MOB4: variants seen among roughly 807,000 people sequenced by gnomAD.
The protein encoded by MOB4 is MOB family member 4, phocein.
MOB4 carries 4 observed loss-of-function variants against 32.2 expected under a neutral mutation model. That is an observed-to-expected ratio of 0.12 (90% CI 0.06 to 0.28). MOB4 has a LOEUF of 0.28. MOB4 is among the 10% of genes least tolerant of loss of function. MOB4 has a pLI of 1.00. For missense variants in MOB4, 158 were observed against 271.2 expected (o/e 0.58, Z 2.93); for synonymous variants, 88 against 88.1 (o/e 1.00, Z 0.01).
chr2:197,522,314 G>A (rs1403862771), intron 1 of MOB4, among the ~76,000 whole-genome samples: 1 of 148,930 alleles, frequency 6.7e-6, no homozygotes, highest in Non-Finnish European at 1.5e-5. Flanking sequence ...TGTACCCATG[G>A]GTGATTACCT....
intron 1 of MOB4, among the ~76,000 whole-genome samples, chr2:197,523,010 A>ATAATAATAATAATAT (rs1348914138): frequency 1.3e-5 from 2 of 151,668 alleles, no homozygotes; most frequent in Non-Finnish European, 2.9e-5. Flanking sequence ...TGGTCTCAAA[A>ATAATAATAATAATAT]TAATAATAAT....
chr2:197,535,600 A>G lies in MOB4; in HGVS notation c.194A>G (p.Asp65Gly), dbSNP rs1011338076. ...ATTCTTGAACCACCTGAAGGCCAAG[A>G]TGAAGGTGTGTGGAAGTATGAACAT... ...DKILEPPEGQ[D>G]EGVWKYEHLR... is the part of the protein sequence containing the mutation. Residue 65 changes from aspartate (D) to glycine (G), a missense_variant, in exon 3 of 8, where the codon GAT (aspartate) becomes GGT (glycine). By Grantham distance (94) the Asp-to-Gly change is moderately conservative. Coordinates refer to ENST00000323303, the MANE Select transcript of MOB4 (RefSeq NM_015387.5). 6.2e-7 allele frequency: 1 copy of G among 1,613,094 alleles called. No homozygotes were observed. Among genetic ancestry groups the G allele is most frequent in the African/African-American group, 1.3e-5 (1 of 74,876 alleles).
chr2:197,544,260 C>T (rs950034088), intron 5 of MOB4, among the ~76,000 whole-genome samples: 5 of 152,004 alleles, frequency 3.3e-5, no homozygotes, highest in Admixed American at 6.6e-5. Flanking sequence ...TTAGTAGAGA[C>T]GGAGTTTCAC....
At chr2:197,535,276 A>C (rs1363848995) in intron 2 of MOB4, among the ~76,000 whole-genome samples, 1 of 151,950 alleles carries the variant, frequency 6.6e-6, no homozygotes, top group Non-Finnish European at 1.5e-5. Context: ...TCCAAGTTCC[A>C]GTCCTGACAA....
At chr2:197,519,779 C>G (rs1430228803) in intron 1 of MOB4, among the ~76,000 whole-genome samples, 1 of 152,032 alleles carries the variant, frequency 6.6e-6, no homozygotes, top group African/African-American at 2.4e-5. Flanking sequence ...ATTTTAAAAA[C>G]AACATTCTGT....
At chr2:197,522,949 A>G (rs1016979718) in intron 1 of MOB4, among the ~76,000 whole-genome samples, 1 of 152,006 alleles carries the variant, frequency 6.6e-6, no homozygotes. Context: ...CAGGAGGTGG[A>G]GGTTGCAGTG....
rs540578426 is a variant in MOB4 at position 197,546,393 on chromosome 2, A to G, written c.355-1943A>G. On this transcript the variant is annotated intron_variant, in intron 5 of 7. Coordinates refer to ENST00000323303, the MANE Select transcript of MOB4 (RefSeq NM_015387.5). ...ATCCCCTTTTTAATGTATCTCTTAG[A>G]AAGTTAATTAATTAATTTTTTGAGA... Among the ~76,000 whole-genome samples, 22 of 150,572 alleles carry G rather than the reference A, an allele frequency of 1.5e-4. No homozygotes were observed. In the South Asian group the frequency reaches 4.6e-3, roughly 32 times the overall value.
Position 197,550,772 on chromosome 2 carries a change from G to T in MOB4, c.*126G>T. ...GTTTAGTATAGGTTTTTGTATGCTG[G>T]GTTTGCCTTTTAAAATGGGAAATAC... On this transcript the variant is annotated 3_prime_UTR_variant, in exon 8 of 8. Transcript: ENST00000323303. 2 of 1,224,636 alleles carry T rather than the reference G, an allele frequency of 1.6e-6. No individual in the cohort carries two copies. The highest frequency in any genetic ancestry group is 2.1e-6 in the Non-Finnish European group (2 of 940,282). The allele number at this position is 1,224,636 out of a possible 1,614,324, so 75.9% of individuals were successfully genotyped here. A position where few individuals can be genotyped will look rare whatever the true frequency, so the allele number is the denominator to read the frequency against.
intron 1 of MOB4, among the ~76,000 whole-genome samples, chr2:197,522,222 A>G (rs1018848692): frequency 6.6e-6 from 1 of 152,046 alleles, no homozygotes; most frequent in African/African-American, 2.4e-5. Flanking sequence ...TTTTTTTTAA[A>G]TGTACAATTA....
At chr2:197,548,769 G>A (rs2087042659) in intron 6 of MOB4, among the ~76,000 whole-genome samples, 1 of 151,972 alleles carries the variant, frequency 6.6e-6, no homozygotes, top group Admixed American at 6.6e-5. Flanking sequence ...GCAGAACTTG[G>A]CTGTCAAAGC....
chr2:197,531,141 A>G (rs1348383442), intron 2 of MOB4, among the ~76,000 whole-genome samples: 3 of 148,400 alleles, frequency 2.0e-5, no homozygotes, highest in African/African-American at 7.5e-5. Flanking sequence ...TCCGCCTCCC[A>G]GGTTCACGCT....
chr2:197,520,498 G>A (rs2086497145), intron 1 of MOB4, among the ~76,000 whole-genome samples: 3 of 152,014 alleles, frequency 2.0e-5, no homozygotes, highest in African/African-American at 4.8e-5. Flanking sequence ...AGGTTTTGAA[G>A]ACTTAATCTT....
At chr2:197,543,718 G>T (rs745895474) in intron 5 of MOB4, among the ~76,000 whole-genome samples, 1 of 152,084 alleles carries the variant, frequency 6.6e-6, no homozygotes, top group Admixed American at 6.6e-5. Context: ...GGAAGTTAGT[G>T]CTTAAGGGTA....
intron 3 of MOB4, among the ~76,000 whole-genome samples, chr2:197,536,284 G>A (rs898495420): frequency 6.6e-6 from 1 of 151,882 alleles, no homozygotes; most frequent in African/African-American, 2.4e-5. Flanking sequence ...GCGCATTGCA[G>A]CCTCTGTCTC....
At chr2:197,547,174 C>G (rs1402319592) in intron 5 of MOB4, among the ~76,000 whole-genome samples, 2 of 151,888 alleles carry the variant, frequency 1.3e-5, no homozygotes, top group Non-Finnish European at 2.9e-5. Flanking sequence ...GTGTTCATGT[C>G]GTTGAGTAGG....
chr2:197,516,093 A>G lies in MOB4; in HGVS notation c.7A>G (p.Met3Val). The change falls in exon 1 of 8, where the codon ATG becomes GTG. Residue 3 changes from methionine to valine, a missense_variant. This residue lies in a region of MOB4 where 41 missense variants were observed against 26.4 expected (regional missense o/e 1.55). Coordinates refer to ENST00000323303, the MANE Select transcript of MOB4 (RefSeq NM_015387.5). Reference sequence around the variant, plus strand: ...CCGCCTAGACGCTGGCACTATGGTCATGGCGGAGGGGACGGCAGTGCTGAG... The same window carrying G: ...CCGCCTAGACGCTGGCACTATGGTCGTGGCGGAGGGGACGGCAGTGCTGAG... MV[M>V]AEGTAVLRRN... 3 of 1,599,058 alleles carry G rather than the reference A, an allele frequency of 1.9e-6. No homozygotes were observed. Among genetic ancestry groups the G allele is most frequent in the East Asian group, 4.5e-5 (2 of 44,040 alleles).
intron 1 of MOB4, among the ~76,000 whole-genome samples, chr2:197,522,670 A>T (rs2086542713): frequency 6.6e-6 from 1 of 151,950 alleles, no homozygotes; most frequent in South Asian, 2.1e-4. Context: ...TTTGATTTAG[A>T]AATTCAAAAC....
intron 3 of MOB4, 66 bp from the exon 4 acceptor site, chr2:197,540,045 G>A (rs994010777): frequency 6.6e-7 from 1 of 1,519,310 alleles, no homozygotes; most frequent in African/African-American, 1.4e-5. Flanking sequence ...TCTTTTTGCA[G>A]CTAATATTCT....
chr2:197,522,323 CTTTTTTTTTTTTTT>C (rs57163165), intron 1 of MOB4, among the ~76,000 whole-genome samples: 4 of 66,440 alleles, frequency 6.0e-5, no homozygotes, highest in East Asian at 4.9e-4. Flanking sequence ...GGGTGATTAC[CTTTTTTTTTTTTTT>C]TTTTTTTTTT....
Sources: allele counts gnomAD v4.1 joint callset (sites outside exome capture counted in the v4.1 genomes callset), GRCh38; gene constraint gnomAD v4.1.1; regional missense constraint gnomAD v4.1.1; transcripts MANE v1.5; gene names NCBI Gene and HGNC (gene_info 2026-07-23, HGNC 2026-07-21).